Variants in FAM184A observed in about 807,000 individuals in gnomAD.
FAM184A encodes the protein family with sequence similarity 184 member A, also known as protein FAM184A.
Under a neutral mutation model 143.8 loss-of-function variants are expected in FAM184A, and 99 were observed. That is an observed-to-expected ratio of 0.69 (90% CI 0.58 to 0.81). The LOEUF (loss-of-function observed/expected upper bound fraction) is 0.81. FAM184A is among the 40% of genes least tolerant of loss of function. FAM184A has a pLI of 0.00. For missense variants in FAM184A, 1,217 were observed against 1,310.5 expected (o/e 0.93, Z 1.10); for synonymous variants, 427 against 446.4 (o/e 0.96, Z 0.55).
rs755437044 is a variant in FAM184A, at chr6:118,959,899, AAC to A, written c.*202_*203del. On this transcript the variant is annotated 3_prime_UTR_variant, in exon 18 of 18. Transcript: ENST00000338891. ...AGACTCTTCCATCTCAAATAAAAAT[AAC>A]AGTTATAATTACACACATAATATAG... is the stretch of plus-strand genomic sequence containing the variant. The A allele has an allele frequency of 1.2e-4, 44 of 356,394 alleles. No individual in the cohort carries two copies. The highest frequency in any genetic ancestry group is 1.8e-4 in the Non-Finnish European group (36 of 199,612). 22.1% of individuals were successfully genotyped at this position (356,394 alleles called of 1,614,324 possible). A position where few individuals can be genotyped will look rare whatever the true frequency, so the allele number is the denominator to read the frequency against.
chr6:119,050,762 G>A (rs1263758769), intron 1 of FAM184A, among the ~76,000 whole-genome samples: 7 of 150,864 alleles, frequency 4.6e-5, no homozygotes, highest in South Asian at 2.1e-4. Flanking sequence ...CCGAGATTGC[G>A]CCACTGCAGT....
intron 9 of FAM184A, among the ~76,000 whole-genome samples, chr6:118,988,859 A>T (rs1539434): frequency 0.94 from 143,582 of 152,058 alleles, 67,902 homozygotes; most frequent in Non-Finnish European, 0.96. Flanking sequence ...GTCACCTCAT[A>T]TTTTTACCTT....
chr6:119,101,714 G>T (rs535916803), intron 1 of FAM184A, among the ~76,000 whole-genome samples: 2 of 151,992 alleles, frequency 1.3e-5, no homozygotes, highest in African/African-American at 4.8e-5. Flanking sequence ...GGTACAAGTG[G>T]GATACATAGT....
intron 1 of FAM184A, among the ~76,000 whole-genome samples, chr6:119,032,058 G>C (rs1474792871): frequency 1.3e-5 from 2 of 152,108 alleles, no homozygotes; most frequent in Non-Finnish European, 2.9e-5. Context: ...GATTACCTGA[G>C]ATCAGGAGTT....
chr6:119,102,570 C>G (rs1307154424), intron 1 of FAM184A, among the ~76,000 whole-genome samples: 4 of 151,612 alleles, frequency 2.6e-5, no homozygotes, highest in African/African-American at 9.7e-5. Flanking sequence ...GGTAGATCAC[C>G]TGAGGTCAGG....
intron 1 of FAM184A, among the ~76,000 whole-genome samples, chr6:119,096,088 C>T (rs1788498770): frequency 1.3e-5 from 2 of 152,006 alleles, no homozygotes; most frequent in Admixed American, 6.6e-5. Context: ...TTTAGGCCAT[C>T]GATTAAAAAA....
At chr6:119,128,965 C>T (rs576125380) in intron 1 of FAM184A, among the ~76,000 whole-genome samples, 1 of 152,092 alleles carries the variant, frequency 6.6e-6, no homozygotes, top group Non-Finnish European at 1.5e-5. Context: ...AGCCTGCTAC[C>T]TGGAGGCTTC....
chr6:119,082,431 T>C (rs1788099434), upstream of FAM184A, among the ~76,000 whole-genome samples: 1 of 152,184 alleles, frequency 6.6e-6, no homozygotes, highest in Non-Finnish European at 1.5e-5. Flanking sequence ...CAAAGTCTCA[T>C]CTGAGACAAG....
At chr6:119,003,109 T>C (rs949817005) in intron 8 of FAM184A, 60 bp from the exon 9 acceptor site, 77 of 1,448,726 alleles carry the variant, frequency 5.3e-5, no homozygotes, top group Non-Finnish European at 6.1e-5. Flanking sequence ...CTGACTGTAA[T>C]AGAGTCTACA....
intron 15 of FAM184A, among the ~76,000 whole-genome samples, chr6:118,965,800 A>G (rs1161374305): frequency 6.6e-6 from 1 of 152,206 alleles, no homozygotes; most frequent in Admixed American, 6.5e-5. Context: ...ATACAATTAT[A>G]ACACCTCCTC....
At chr6:119,038,323 T>A (rs1194495971) in intron 1 of FAM184A, among the ~76,000 whole-genome samples, 1 of 152,174 alleles carries the variant, frequency 6.6e-6, no homozygotes, top group East Asian at 1.9e-4. Flanking sequence ...AGGAGCTGAG[T>A]AAAATGAGGC....
intron 1 of FAM184A, among the ~76,000 whole-genome samples, chr6:119,044,272 A>G (rs1030592446): frequency 1.3e-5 from 2 of 152,216 alleles, no homozygotes; most frequent in Non-Finnish European, 2.9e-5. Flanking sequence ...CAAAATCTCA[A>G]ATGATCAACA....
At chr6:119,027,409 T>C (rs1200978758) in intron 1 of FAM184A, among the ~76,000 whole-genome samples, 1 of 152,154 alleles carries the variant, frequency 6.6e-6, no homozygotes, top group Non-Finnish European at 1.5e-5. Context: ...GAAATATATA[T>C]TTGGTCTCTT....
intron 9 of FAM184A, among the ~76,000 whole-genome samples, chr6:118,983,448 A>T (rs965793493): frequency 6.6e-6 from 1 of 152,180 alleles, no homozygotes; most frequent in Non-Finnish European, 1.5e-5. Flanking sequence ...ATTATAGAAT[A>T]TCTAGAAAGG....
intron 1 of FAM184A, among the ~76,000 whole-genome samples, chr6:119,050,452 GTT>G (rs34923179): frequency 2.7e-5 from 4 of 150,018 alleles, no homozygotes; most frequent in East Asian, 2.0e-4. Flanking sequence ...GACAGATTGG[GTT>G]TTTTTTTTAA....
At chr6:119,137,826 T>C (rs1329258067) in intron 1 of FAM184A, among the ~76,000 whole-genome samples, 1 of 152,160 alleles carries the variant, frequency 6.6e-6, no homozygotes, top group Non-Finnish European at 1.5e-5. Context: ...CAGGCTGGCT[T>C]GTTTGAGTCT....
At chr6:119,057,744 A>C (rs1447065455) in intron 1 of FAM184A, 1 of 151,986 alleles carries the variant, frequency 6.6e-6, no homozygotes, top group Non-Finnish European at 1.5e-5. Context: ...CCTTGTCTCT[A>C]AATATAAATA....
chr6:119,095,528 C>T (rs1788482395), intron 1 of FAM184A, among the ~76,000 whole-genome samples: 1 of 152,082 alleles, frequency 6.6e-6, no homozygotes, highest in African/African-American at 2.4e-5. Context: ...ATTATAATAT[C>T]TAGATGAGAA....
chr6:118,964,595 C>T, intron 16 of FAM184A, 72 bp downstream of exon 16: 3 of 772,600 alleles, frequency 3.9e-6, no homozygotes, highest in Non-Finnish European at 6.3e-6. Context: ...CTATGCTGCT[C>T]CAAATATTTT....
Sources: gnomAD v4.1 joint callset for allele counts (sites outside exome capture counted in the v4.1 genomes callset) on GRCh38, gnomAD v4.1.1 for gene constraint, MANE v1.5 for transcripts, NCBI Gene and HGNC (gene_info 2026-07-23, HGNC 2026-07-21) for gene names.